Variants in TMEM94 observed in about 807,000 individuals in gnomAD.
The protein encoded by TMEM94 is transmembrane protein 94.
Under a neutral mutation model 158.6 loss-of-function variants are expected in TMEM94, and 81 were observed. That is an observed-to-expected ratio of 0.51 (90% confidence interval 0.43 to 0.61). The LOEUF (loss-of-function observed/expected upper bound fraction) is 0.61. Among genes scored for constraint, TMEM94 ranks in the 20% least tolerant of loss-of-function variants. The pLI is 0.00. For synonymous variants in TMEM94, 751 were observed against 730.7 expected, an observed-to-expected ratio of 1.03 and a Z score of -0.45; for missense variants, 1,435 against 1,762.0, an observed-to-expected ratio of 0.81 and a Z score of 3.32.
At chr17:75,483,463 CTTTTT>C (rs1195481464) in intron 2 of TMEM94, among the ~76,000 whole-genome samples, 1 of 139,344 alleles carries the variant, frequency 7.2e-6, no homozygotes, top group Admixed American at 7.2e-5. Context: ...TTTTTCTTTT[CTTTTT>C]TTTTTTTTTT....
intron 2 of TMEM94, among the ~76,000 whole-genome samples, chr17:75,472,153 G>A (rs934264533): frequency 1.3e-5 from 2 of 152,194 alleles, no homozygotes; most frequent in South Asian, 2.1e-4. Context: ...TAACACAACC[G>A]CATGGGAGCA....
chr17:75,496,835 C>T lies in TMEM94; in HGVS notation c.3321+28C>T, dbSNP rs1017021430. 3.1e-6 allele frequency: 5 copies of T among 1,599,476 alleles called. No individual in the cohort carries two copies. In the Admixed American group the frequency reaches 8.3e-5, roughly 27 times the overall value. The stretch of plus-strand genomic sequence containing the variant: ...GAGGTGGGGCCCGCACAGGCATTGC[C>T]CCCGTGCCACTCACCCCTTCACTCA... On this transcript the variant is annotated intron_variant, in intron 25 of 31. Transcript: ENST00000314256.
In TMEM94 at chr17:75,495,478, G is replaced by T; in HGVS notation, c.2845-66G>T. On this transcript the variant is annotated intron_variant, in intron 21 of 31. Transcript: ENST00000314256. The surrounding 1 kb of genome is among the most constrained non-coding windows in gnomAD (Gnocchi z 5.6). ...CAGGGGAGAGGTAGAGAGGTGGTGG[G>T]CAGGCGGTGGAGGGGAGGGATGCTG... The T allele has an allele frequency of 6.3e-7, 1 of 1,591,360 alleles. No individual in the cohort carries two copies.
At chr17:75,461,942 C>A (rs2146017582) in intron 1 of TMEM94, among the ~76,000 whole-genome samples, 1 of 149,252 alleles carries the variant, frequency 6.7e-6, no homozygotes, top group East Asian at 2.0e-4. Flanking sequence ...GAAATGTAAC[C>A]CAAAGTCACA....
Position 75,498,168 on chromosome 17 carries a change from C to G in TMEM94, c.3490-7C>G. 1 of 1,613,710 alleles carries G rather than the reference C, an allele frequency of 6.2e-7. No individual in the cohort carries two copies. The highest frequency in any genetic ancestry group is 1.3e-5 in the African/African-American group (1 of 75,058). On this transcript the variant is annotated splice_polypyrimidine_tract_variant and splice_region_variant and intron_variant, in intron 27 of 31. Transcript: ENST00000314256. This position sits in a 1 kb window ranked among gnomAD's most constrained non-coding sequence, Gnocchi z 6.7. ...CGCCCCAGGAGTGACTGGCCTTGTT[C>G]CCGCAGACCCAGCACTACTTCCTGC...
intron 5 of TMEM94, among the ~76,000 whole-genome samples, chr17:75,486,856 C>T (rs76397674): frequency 0.012 from 1,830 of 152,272 alleles, 7 homozygotes; most frequent in Non-Finnish European, 0.019. Flanking sequence ...TGGAGCAGCC[C>T]AGCTCCAAAA....
chr17:75,478,329 T>TAAAAAAA, intron 2 of TMEM94, among the ~76,000 whole-genome samples: 1 of 97,564 alleles, frequency 1.0e-5, no homozygotes, highest in Non-Finnish European at 2.1e-5. Context: ...GACTCCATCT[T>TAAAAAAA]AAAAAAAAAA....
Position 75,492,810 on chromosome 17 carries a change from G to A in TMEM94, c.1912+21G>A. ...CATTGGTACAGGTCCCCATGGCAGG[G>A]GATGGCTGGCTGGACCCGCCTCCTA... On this transcript the variant is annotated intron_variant, in intron 15 of 31. Coordinates refer to ENST00000314256, the MANE Select transcript of TMEM94 (RefSeq NM_014738.6). The surrounding 1 kb of genome is among the most constrained non-coding windows in gnomAD (Gnocchi z 4.4). 6.3e-7 allele frequency: 1 copy of A among 1,591,904 alleles called. No homozygotes were observed. Among genetic ancestry groups the A allele is most frequent in the East Asian group, 2.2e-5 (1 of 44,670 alleles).
chr17:75,488,064 T>G lies in TMEM94; in HGVS notation c.542T>G (p.Leu181Arg), dbSNP rs1273624557. 12 of 1,614,218 alleles carry G rather than the reference T, an allele frequency of 7.4e-6. No homozygotes were observed. The highest frequency in any genetic ancestry group is 2.2e-5 in the East Asian group (1 of 44,884). Residue 181 changes from leucine to arginine, a missense_variant, in exon 6 of 32, where the codon CTG (leucine) becomes CGG (arginine). Coordinates refer to ENST00000314256, the MANE Select transcript of TMEM94 (RefSeq NM_014738.6). ...DGHLVNLPVS[L>R]LVEGDIIALR... is the part of the protein sequence containing the mutation. ...CACCTGGTCAACCTGCCAGTCAGCC[T>G]GCTGGTTGAAGGAGACATCATAGCT...
At chr17:75,472,589 T>C (rs906904506) in intron 2 of TMEM94, among the ~76,000 whole-genome samples, 1 of 152,194 alleles carries the variant, frequency 6.6e-6, no homozygotes, top group African/African-American at 2.4e-5. Flanking sequence ...CTTGGGAGAC[T>C]GAGGCAGGAG....
At position 75,489,008 on chromosome 17, in the gene TMEM94, T is replaced by C. The variant is rs1183211475; in HGVS notation, c.764+98T>C. 5.3e-6 allele frequency: 7 copies of C among 1,324,792 alleles called. No individual in the cohort carries two copies. In the African/African-American group the frequency reaches 5.9e-5, roughly 11 times the overall value. The allele number at this position is 1,324,792 out of a possible 1,614,324, so 82.1% of individuals were successfully genotyped here. A position where few individuals can be genotyped will look rare whatever the true frequency, so the allele number is the denominator to read the frequency against. On this transcript the variant is annotated intron_variant, in intron 7 of 31. Transcript: ENST00000314256. This position sits in a 1 kb window ranked among gnomAD's most constrained non-coding sequence, Gnocchi z 5.0. ...GGGCCCCGTTCATCTCGAGGTTCTCTTGAGGGCAGGCATCTCCTTAGGCTC... is the reference window on the plus strand; with the variant it reads ...GGGCCCCGTTCATCTCGAGGTTCTCCTGAGGGCAGGCATCTCCTTAGGCTC...
intron 2 of TMEM94, among the ~76,000 whole-genome samples, chr17:75,472,655 C>G (rs1385150520): frequency 6.6e-6 from 1 of 152,224 alleles, no homozygotes; most frequent in Non-Finnish European, 1.5e-5. Flanking sequence ...CACTACTGCA[C>G]TCTCTGCTCA....
At chr17:75,484,255 T>C (rs1351942194) in intron 2 of TMEM94, among the ~76,000 whole-genome samples, 1 of 152,120 alleles carries the variant, frequency 6.6e-6, no homozygotes, top group Non-Finnish European at 1.5e-5. Context: ...ATGGTAGTTA[T>C]AGAAGATGGT....
chr17:75,495,633 C>T lies in TMEM94; in HGVS notation c.2934C>T (p.Cys978=), dbSNP rs772091232. Residue 978 remains cysteine (C), a synonymous_variant, in exon 22 of 32, where the codon TGC becomes TGT. Transcript: ENST00000314256. The surrounding 1 kb of genome is among the most constrained non-coding windows in gnomAD (Gnocchi z 5.6). ...TGCTAGTGCCCCTTTTCACCGACTG[C>T]ACCCCAGAGAGTGAGTGCTGTGGCC... ...VPLLVPLFTD[C]TPETMCEMIK... The T allele has an allele frequency of 1.2e-6, 2 of 1,613,330 alleles. No individual in the cohort carries two copies. Among genetic ancestry groups the T allele is most frequent in the African/African-American group, 2.7e-5 (2 of 74,940 alleles).
chr17:75,489,572 A>T lies in TMEM94; in HGVS notation c.868-4A>T. The T allele has an allele frequency of 1.2e-6, 2 of 1,613,894 alleles. No homozygotes were observed. The highest frequency in any genetic ancestry group is 1.7e-6 in the Non-Finnish European group (2 of 1,179,850). ...CAAGGCTGTGCCTCTGCTGTTCCCA[A>T]CAGGCCGGCTTCCTCATCACCAATG... On this transcript the variant is annotated splice_region_variant and splice_polypyrimidine_tract_variant and intron_variant, in intron 8 of 31. Transcript: ENST00000314256. The surrounding 1 kb of genome is among the most constrained non-coding windows in gnomAD (Gnocchi z 5.0).
In TMEM94 at chr17:75,489,383, G is replaced by C; in HGVS notation, c.867+15G>C. The C allele has an allele frequency of 6.2e-7, 1 of 1,610,336 alleles. No homozygotes were observed. Among genetic ancestry groups the C allele is most frequent in the Non-Finnish European group, 8.5e-7 (1 of 1,176,562 alleles). ...CCGTGGTCCTGGTGCGTGTGGCGGG[G>C]CTGTGCGGGGCTGCATGGGGCAGAG... On this transcript the variant is annotated intron_variant, in intron 8 of 31. Transcript: ENST00000314256. The surrounding 1 kb of genome is among the most constrained non-coding windows in gnomAD (Gnocchi z 5.0).
chr17:75,472,948 T>G (rs1315329663), intron 2 of TMEM94, among the ~76,000 whole-genome samples: 1 of 152,200 alleles, frequency 6.6e-6, no homozygotes, highest in Non-Finnish European at 1.5e-5. Flanking sequence ...TTGTAGTACC[T>G]CCACCATTGT....
At position 75,492,205 on chromosome 17, in the gene TMEM94, G is replaced by A; in HGVS notation, c.1597-269G>A. 1 of 1,353,462 alleles carries A rather than the reference G, an allele frequency of 7.4e-7. No homozygotes were observed. Among genetic ancestry groups the A allele is most frequent in the Non-Finnish European group, 9.7e-7 (1 of 1,030,734 alleles). 83.8% of individuals were successfully genotyped at this position (1,353,462 alleles called of 1,614,324 possible). ...CCTGGCCACAGAAGATCCCTCAACTGTGTCCTCTTTGGTCTGGCCACCCCT... is the reference window on the plus strand; with the variant it reads ...CCTGGCCACAGAAGATCCCTCAACTATGTCCTCTTTGGTCTGGCCACCCCT... On this transcript the variant is annotated intron_variant, in intron 14 of 31. Transcript: ENST00000314256. The surrounding 1 kb of genome is among the most constrained non-coding windows in gnomAD (Gnocchi z 4.4).
chr17:75,489,907 C>T lies in TMEM94; in HGVS notation c.954+245C>T, dbSNP rs936472460. 2.1e-5 allele frequency: 12 copies of T among 576,658 alleles called. No homozygotes were observed. Among genetic ancestry groups the T allele is most frequent in the Middle Eastern group, 2.8e-4 (1 of 3,624 alleles). The allele number at this position is 576,658 out of a possible 1,614,324, so 35.7% of individuals were successfully genotyped here. On this transcript the variant is annotated intron_variant, in intron 9 of 31. Transcript: ENST00000314256. The surrounding 1 kb of genome is among the most constrained non-coding windows in gnomAD (Gnocchi z 5.0). ...CATCCTGGCCAATATGGTGAAACCC[C>T]GTCTCTACTAAGAATATAAAAATTA...
Sources: allele counts gnomAD v4.1 joint callset (sites outside exome capture counted in the v4.1 genomes callset), GRCh38; gene constraint gnomAD v4.1.1; non-coding constraint Gnocchi (gnomAD v3.1); transcripts MANE v1.5; gene names NCBI Gene and HGNC (gene_info 2026-07-23, HGNC 2026-07-21).